Variants in VPS13A observed in about 807,000 individuals in gnomAD.
The protein encoded by VPS13A is intermembrane lipid transfer protein VPS13A.
VPS13A carries 264 observed loss-of-function variants against 390.9 expected under a neutral mutation model. That is an observed-to-expected ratio of 0.68 (90% CI 0.61 to 0.75). VPS13A has a LOEUF of 0.75. Ranked by LOEUF, VPS13A falls within the 30% of genes least tolerant of loss-of-function variation. The pLI is 0.00. For missense variants in VPS13A, 3,409 were observed against 3,733.9 expected (o/e 0.91, Z 2.27); for synonymous variants, 1,231 against 1,227.1 (o/e 1.00, Z -0.07).
At chr9:77,415,874 C>T (rs531780927) in intron 71 of VPS13A, 82 bp from the exon 72 acceptor site, 2 of 1,535,002 alleles carry the variant, frequency 1.3e-6, no homozygotes, top group South Asian at 2.3e-5. Context: ...ATAAAGCTAA[C>T]TTCTAGATCT....
chr9:77,234,592 ATC>A (rs1253481664), intron 17 of VPS13A, among the ~76,000 whole-genome samples: 3 of 152,124 alleles, frequency 2.0e-5, no homozygotes, highest in African/African-American at 7.2e-5. Flanking sequence ...GTATTGTTGT[ATC>A]ATGTTTTTTT....
At chr9:77,319,353 A>G (rs1177176916) in intron 41 of VPS13A, among the ~76,000 whole-genome samples, 1 of 152,094 alleles carries the variant, frequency 6.6e-6, no homozygotes, top group Non-Finnish European at 1.5e-5. Context: ...TGTAGAATCA[A>G]GGAAAGATGC....
intron 10 of VPS13A, among the ~76,000 whole-genome samples, chr9:77,217,870 T>C (rs1822949498): frequency 6.6e-6 from 1 of 151,964 alleles, no homozygotes. Flanking sequence ...GTTCTGTTTT[T>C]AGTTCTTTGT....
At chr9:77,251,808 C>CAA (rs1312810882) in intron 21 of VPS13A, among the ~76,000 whole-genome samples, 1 of 152,042 alleles carries the variant, frequency 6.6e-6, no homozygotes, top group East Asian at 1.9e-4. Flanking sequence ...TTATCACTAG[C>CAA]AGATTGATCA....
intron 31 of VPS13A, among the ~76,000 whole-genome samples, chr9:77,288,955 G>A (rs1827496230): frequency 6.6e-6 from 1 of 152,132 alleles, no homozygotes; most frequent in Admixed American, 6.5e-5. Flanking sequence ...GTGATTATGT[G>A]ATGTGTCTTT....
chr9:77,384,510 A>G (rs1833597384), intron 68 of VPS13A: 1 of 1,586,660 alleles, frequency 6.3e-7, no homozygotes, highest in African/African-American at 1.3e-5. Flanking sequence ...ACATTTCATA[A>G]TCTTACATGT....
chr9:77,363,429 G>A (rs1832262190), intron 59 of VPS13A, among the ~76,000 whole-genome samples: 1 of 124,906 alleles, frequency 8.0e-6, no homozygotes, highest in African/African-American at 3.0e-5. Flanking sequence ...TGAGACCTAG[G>A]CTCGCTCTGT....
At chr9:77,256,013 AT>A (rs917316454) in intron 22 of VPS13A, among the ~76,000 whole-genome samples, 2 of 149,176 alleles carry the variant, frequency 1.3e-5, no homozygotes, top group African/African-American at 2.5e-5. Context: ...CATCTTTGTT[AT>A]TTTTTTTATT....
chr9:77,287,659 A>T (rs1240289956), intron 31 of VPS13A, among the ~76,000 whole-genome samples: 2 of 152,194 alleles, frequency 1.3e-5, no homozygotes, highest in African/African-American at 4.8e-5. Flanking sequence ...GCGTATTAGG[A>T]TTATCAAGAA....
Position 77,345,060 on chromosome 9 carries a change from A to G in VPS13A, c.7207A>G (p.Thr2403Ala), listed in dbSNP as rs145703013. 210 of 1,613,144 alleles carry G rather than the reference A, an allele frequency of 1.3e-4. 1 individual carries two copies. Among genetic ancestry groups the G allele is most frequent in the Non-Finnish European group, 1.7e-4 (195 of 1,179,844 alleles). ...VNLAEHSTVI[T>A]FLDYHDGAAT... ...TTTGGCCGAGCATTCTACAGTTATT[A>G]CATTTTTAGATTATCATGATGGAGC... Residue 2403 changes from threonine to alanine, a missense_variant, in exon 52 of 72, where the codon ACA (threonine) becomes GCA (alanine). Physicochemically the swap from Thr to Ala is moderately conservative, Grantham distance 58. Coordinates refer to ENST00000360280, the MANE Select transcript of VPS13A (RefSeq NM_033305.3).
intron 33 of VPS13A, among the ~76,000 whole-genome samples, chr9:77,297,110 T>G (rs572108884): frequency 1.8e-4 from 28 of 152,228 alleles, no homozygotes; most frequent in Admixed American, 3.9e-4. Context: ...GTTTTCTCAT[T>G]CATTGATTTC....
chr9:77,316,341 A>G lies in VPS13A; in HGVS notation c.4798A>G (p.Ile1600Val), dbSNP rs144846815. 10 of 1,613,262 alleles carry G rather than the reference A, an allele frequency of 6.2e-6. No homozygotes were observed. Among genetic ancestry groups the G allele is most frequent in the Admixed American group, 3.3e-5 (2 of 59,988 alleles). Residue 1600 changes from isoleucine to valine, a missense_variant, in exon 39 of 72, where the codon ATT becomes GTT. Around this residue, in one of 5 missense-constraint regions of VPS13A, gnomAD observed 2,717 missense variants for 2,917.4 expected, o/e 0.93. Coordinates refer to ENST00000360280, the MANE Select transcript of VPS13A (RefSeq NM_033305.3). ...TGAAAATAGTACAATGACTGCTGCC[A>G]TTAAAGATCTCCAAGTGAGAGCCTG... ...NLENSTMTAA[I>V]KDLQVRACPF... is the part of the protein sequence containing the mutation.
chr9:77,256,854 AT>A lies in VPS13A; in HGVS notation c.2289-3222del, dbSNP rs796409609. Among the ~76,000 whole-genome samples, 26 of 130,496 alleles carry A rather than the reference AT, an allele frequency of 2.0e-4. No homozygotes were observed. In the South Asian group the frequency reaches 6.0e-3, roughly 30 times the overall value. 85.6% of individuals were successfully genotyped at this position (130,496 alleles called of 152,430 possible). On this transcript the variant is annotated intron_variant, in intron 22 of 71. Coordinates refer to ENST00000360280, the MANE Select transcript of VPS13A (RefSeq NM_033305.3). ...TTATTTGCATGGAATGTCTTTCTTC[AT>A]TTTTTTTTTCACTTTTAACCTGTGT... is the stretch of plus-strand genomic sequence containing the variant.
At chr9:77,409,021 G>A (rs1834770507) in intron 71 of VPS13A, among the ~76,000 whole-genome samples, 1 of 152,302 alleles carries the variant, frequency 6.6e-6, no homozygotes, top group African/African-American at 2.4e-5. Flanking sequence ...TGACCCCCAA[G>A]GAGCCTAACT....
chr9:77,237,958 C>A (rs759086047), intron 17 of VPS13A, 44 bp from the exon 18 acceptor site: 4 of 1,444,742 alleles, frequency 2.8e-6, no homozygotes, highest in East Asian at 4.6e-5. Flanking sequence ...AAATCCTTCA[C>A]AATTTTACTG....
chr9:77,297,501 C>T (rs939332437), intron 33 of VPS13A, among the ~76,000 whole-genome samples: 1 of 151,594 alleles, frequency 6.6e-6, no homozygotes, highest in Non-Finnish European at 1.5e-5. Context: ...TTTTTTCCAA[C>T]TCTTTGGAAT....
intron 68 of VPS13A, among the ~76,000 whole-genome samples, chr9:77,396,515 T>G (rs1327223167): frequency 6.6e-6 from 1 of 152,244 alleles, no homozygotes; most frequent in Admixed American, 6.5e-5. Context: ...TCTTTATTCT[T>G]GTTTACATTT....
rs778926953 is a variant in VPS13A at position 77,332,119 on chromosome 9, T to C, written c.6095+6T>C. The C allele has an allele frequency of 4.4e-6, 7 of 1,599,926 alleles. No homozygotes were observed. Among genetic ancestry groups the C allele is most frequent in the Non-Finnish European group, 6.0e-6 (7 of 1,167,824 alleles). On this transcript the variant is annotated splice_donor_region_variant and intron_variant, in intron 46 of 71. Coordinates refer to ENST00000360280, the MANE Select transcript of VPS13A (RefSeq NM_033305.3). The stretch of plus-strand genomic sequence containing the variant: ...ATACCATTAGGATCTTACCGGTATT[T>C]TGTCTTTATCATTTTATTTACTCTA...
At chr9:77,384,654 G>A (rs1366758242) in intron 68 of VPS13A, 1 of 1,606,972 alleles carries the variant, frequency 6.2e-7, no homozygotes. Context: ...TGATGATGAT[G>A]ATGATGATGA....
Sources: gnomAD v4.1 joint callset for allele counts (sites outside exome capture counted in the v4.1 genomes callset) on GRCh38, gnomAD v4.1.1 for gene constraint, gnomAD v4.1.1 regional missense constraint, MANE v1.5 for transcripts, NCBI Gene and HGNC (gene_info 2026-07-23, HGNC 2026-07-21) for gene names.